The following RARB variants were observed in gnomAD, a reference collection of about 807,000 sequenced individuals.
The protein encoded by RARB is HBV-activated protein.
A neutral mutation model predicts 51.9 loss-of-function variants in RARB; 17 were observed. The ratio of observed to expected loss-of-function variants is 0.33; its 90% CI spans 0.22 to 0.49. The LOEUF (loss-of-function observed/expected upper bound fraction) is 0.49. Among genes scored for constraint, RARB ranks in the 20% least tolerant of loss-of-function variants. The pLI is 0.99. For missense variants in RARB, 369 were observed against 550.8 expected (o/e 0.67, Z 3.30); for synonymous variants, 215 against 195.4 (o/e 1.10, Z -0.84).
intron 2 of RARB, among the ~76,000 whole-genome samples, chr3:25,012,301 A>T (rs1000136992): frequency 1.3e-5 from 2 of 152,120 alleles, no homozygotes; most frequent in African/African-American, 4.8e-5. Context: ...GTTTCTTATT[A>T]AAAAGAAAGT....
upstream of RARB, among the ~76,000 whole-genome samples, chr3:25,425,267 C>T (rs76641755): frequency 2.5e-3 from 381 of 152,256 alleles, 3 homozygotes; most frequent in Middle Eastern, 0.014. Flanking sequence ...CTTTATAGTG[C>T]ACGGATCTGT....
At chr3:25,115,317 T>G (rs11129180) in intron 3 of RARB, among the ~76,000 whole-genome samples, 99,415 of 152,086 alleles carry the variant, frequency 0.65, 32,760 homozygotes, top group Admixed American at 0.75. Flanking sequence ...AGTGTTTTCT[T>G]TGTCTTAGTA....
intron 1 of RARB, among the ~76,000 whole-genome samples, chr3:24,844,794 C>A (rs957130855): frequency 1.3e-5 from 2 of 152,286 alleles, no homozygotes; most frequent in East Asian, 3.9e-4. Flanking sequence ...GAACCTGCTT[C>A]CCCAGGGAGT....
chr3:25,565,310 G>A (rs937422279), intron 3 of RARB, among the ~76,000 whole-genome samples: 7 of 152,148 alleles, frequency 4.6e-5, no homozygotes, highest in Non-Finnish European at 8.8e-5. Context: ...CTATTAGGTT[G>A]TTGTAAGGAT....
At chr3:25,591,102 G>A (rs78235536) in intron 5 of RARB, among the ~76,000 whole-genome samples, 1 of 152,214 alleles carries the variant, frequency 6.6e-6, no homozygotes, top group Non-Finnish European at 1.5e-5. Flanking sequence ...GCTCAGAAAG[G>A]CCCCTGGGCA....
chr3:25,281,773 A>G (rs753423454), intron 5 of RARB, among the ~76,000 whole-genome samples: 1 of 152,160 alleles, frequency 6.6e-6, no homozygotes, highest in Non-Finnish European at 1.5e-5. Context: ...TAATTACTTC[A>G]TTAGAATACT....
intron 1 of RARB, among the ~76,000 whole-genome samples, chr3:25,458,823 C>T (rs573618124): frequency 9.3e-4 from 141 of 152,194 alleles, no homozygotes; most frequent in African/African-American, 3.2e-3. Flanking sequence ...TAATTAATTA[C>T]TTTTTTAAGG....
At chr3:25,452,500 A>T (rs1709238588) in intron 1 of RARB, among the ~76,000 whole-genome samples, 1 of 152,104 alleles carries the variant, frequency 6.6e-6, no homozygotes, top group African/African-American at 2.4e-5. Flanking sequence ...CCATATCTTG[A>T]ATGGAATCAG....
At chr3:25,574,595 G>T (rs747046282) in intron 4 of RARB, among the ~76,000 whole-genome samples, 1 of 152,322 alleles carries the variant, frequency 6.6e-6, no homozygotes, top group African/African-American at 2.4e-5. Context: ...CTGCTCTGCC[G>T]TGTGCGGGCC....
intron 3 of RARB, among the ~76,000 whole-genome samples, chr3:25,061,823 T>G (rs1698557332): frequency 6.6e-6 from 1 of 151,764 alleles, no homozygotes; most frequent in Non-Finnish European, 1.5e-5. Context: ...TTAGAATAAG[T>G]ATATGAATTT....
At chr3:25,152,148 A>G (rs1433296331) in intron 4 of RARB, among the ~76,000 whole-genome samples, 1 of 152,226 alleles carries the variant, frequency 6.6e-6, no homozygotes. Flanking sequence ...CCAGAACACC[A>G]GAAATCATAT....
intron 5 of RARB, among the ~76,000 whole-genome samples, chr3:25,265,383 T>C (rs2125408687): frequency 6.6e-6 from 1 of 152,332 alleles, no homozygotes; most frequent in East Asian, 1.9e-4. Flanking sequence ...TTTGTATCAA[T>C]TGACATCTCA....
chr3:25,499,864 A>C (rs1352110782), intron 2 of RARB, among the ~76,000 whole-genome samples: 1 of 152,262 alleles, frequency 6.6e-6, no homozygotes, highest in Non-Finnish European at 1.5e-5. Flanking sequence ...GCAATAAAAC[A>C]ATAATATTTG....
intron 3 of RARB, among the ~76,000 whole-genome samples, chr3:25,536,051 C>T (rs1699127585): frequency 6.6e-6 from 1 of 152,116 alleles, no homozygotes; most frequent in Non-Finnish European, 1.5e-5. Flanking sequence ...AACAGTGATA[C>T]CAAGTTTCCC....
chr3:25,120,367 TAGAGTAAAGCC>T (rs917976738), intron 3 of RARB, among the ~76,000 whole-genome samples: 2 of 152,090 alleles, frequency 1.3e-5, no homozygotes, highest in African/African-American at 4.8e-5. Context: ...GGAAGGTAGG[TAGAGTAAAGCC>T]ATGTCCTCCA....
intron 2 of RARB, among the ~76,000 whole-genome samples, chr3:25,040,160 A>T (rs900479922): frequency 2.6e-5 from 4 of 152,182 alleles, no homozygotes; most frequent in African/African-American, 9.7e-5. Context: ...GTCAACAGAG[A>T]CGAAATGAAG....
At chr3:25,188,619 C>T (rs989146674) in intron 5 of RARB, among the ~76,000 whole-genome samples, 5 of 152,124 alleles carry the variant, frequency 3.3e-5, no homozygotes, top group African/African-American at 1.2e-4. Context: ...TATCCATGTA[C>T]TCTACCCATG....
intron 2 of RARB, among the ~76,000 whole-genome samples, chr3:25,026,545 A>C (rs1367008853): frequency 1.3e-5 from 2 of 152,190 alleles, no homozygotes; most frequent in Non-Finnish European, 2.9e-5. Context: ...TAAGGACATC[A>C]GTCAGATTGG....
Position 25,233,363 on chromosome 3 carries a change from T to A in RARB, c.178+58788T>A, listed in dbSNP as rs146249595. Among the ~76,000 whole-genome samples the A allele has an allele frequency of 2.7e-3, 413 of 152,104 alleles. 3 individuals are homozygous for A. Among genetic ancestry groups the A allele is most frequent in the African/African-American group, 9.6e-3 (398 of 41,524 alleles). Reference sequence around the variant, plus strand: ...GCATCTGTATAGTAAAACAAGTGATTTTTTTTTATGTGTTGACCTTACGTC... The same window carrying A: ...GCATCTGTATAGTAAAACAAGTGATATTTTTTTATGTGTTGACCTTACGTC... On this transcript the variant is annotated intron_variant, in intron 5 of 11. Transcript: ENST00000383772.
Sources: allele counts gnomAD v4.1 joint callset (sites outside exome capture counted in the v4.1 genomes callset), GRCh38; gene constraint gnomAD v4.1.1; transcripts MANE v1.5; gene names NCBI Gene and HGNC (gene_info 2026-07-23, HGNC 2026-07-21).